CDK12: variants seen among roughly 807,000 people sequenced by gnomAD.
The protein encoded by CDK12 is cyclin-dependent kinase 12.
A neutral mutation model predicts 133.8 loss-of-function variants in CDK12; 17 were observed. The observed-to-expected ratio is 0.13, with a 90% CI of 0.09 to 0.19. The LOEUF (loss-of-function observed/expected upper bound fraction) is 0.19. CDK12 is among the 10% of genes least tolerant of loss of function. The probability of loss-of-function intolerance (pLI) is 1.00; values close to 1 mark genes in which losing one functional copy is unlikely to be tolerated. For missense variants in CDK12, 1,508 were observed against 1,818.7 expected, an observed-to-expected ratio of 0.83 and a Z score of 3.11; for synonymous variants, 694 against 683.6, an observed-to-expected ratio of 1.02 and a Z score of -0.24.
chr17:39,476,456 T>C (rs574900295), intron 2 of CDK12, among the ~76,000 whole-genome samples: 197 of 150,928 alleles, frequency 1.3e-3, no homozygotes, highest in African/African-American at 4.6e-3. Flanking sequence ...TTTTTGCCCT[T>C]GTTGTCCAGG....
At chr17:39,481,631 GCGCTCTCTCTCTCT>G (rs1567705906) in intron 2 of CDK12, among the ~76,000 whole-genome samples, 2 of 34,274 alleles carry the variant, frequency 5.8e-5, no homozygotes, top group Admixed American at 3.3e-4. Flanking sequence ...GCTCGCTCGC[GCGCTCTCTCTCTCT>G]CTCTCTCTCT....
rs147657554 is a variant in CDK12 at position 39,532,461 on chromosome 17, C to CA, written c.*1155dup. 1,836 of 203,444 alleles carry CA rather than the reference C, an allele frequency of 9.0e-3. No individual in the cohort carries two copies. The highest frequency in any genetic ancestry group is 0.039 in the South Asian group (193 of 4,982). 12.6% of individuals were successfully genotyped at this position (203,444 alleles called of 1,614,324 possible). ...ATTGTTTACACATATATTTTTATGT[C>CA]AAAAAAAAAACAAAAACCTTTCAAA... On this transcript the variant is annotated 3_prime_UTR_variant, in exon 14 of 14. Transcript: ENST00000447079.
intron 9 of CDK12, among the ~76,000 whole-genome samples, 166 bp from the exon 10 acceptor site, chr17:39,517,274 C>T (rs1297516785): frequency 6.6e-6 from 1 of 152,180 alleles, no homozygotes; most frequent in Non-Finnish European, 1.5e-5. Flanking sequence ...CTCTGCCTTT[C>T]TGCCCTTAAA....
At chr17:39,562,891 CT>C (rs1294534242) in intron 3 of CDK12, among the ~76,000 whole-genome samples, 1 of 44,414 alleles carries the variant, frequency 2.3e-5, no homozygotes, top group Non-Finnish European at 5.6e-5. Flanking sequence ...CTTTTTTTTT[CT>C]TTTTCTTTTC....
intron 6 of CDK12, among the ~76,000 whole-genome samples, chr17:39,508,845 A>G (rs1351989526): frequency 1.3e-5 from 2 of 151,920 alleles, no homozygotes; most frequent in African/African-American, 4.8e-5. Context: ...AAATAAAATA[A>G]TTAGCTGGAC....
chr17:39,513,936 G>C (rs922128243), intron 8 of CDK12, among the ~76,000 whole-genome samples: 1 of 152,176 alleles, frequency 6.6e-6, no homozygotes, highest in African/African-American at 2.4e-5. Context: ...TCAGGAGTCT[G>C]AAAACCTAGT....
chr17:39,520,574 A>G (rs759592752), intron 11 of CDK12, among the ~76,000 whole-genome samples: 1 of 151,896 alleles, frequency 6.6e-6, no homozygotes, highest in Non-Finnish European at 1.5e-5. Flanking sequence ...TATTTTTAGT[A>G]GAGACGGGGT....
intron 10 of CDK12, among the ~76,000 whole-genome samples, chr17:39,518,159 A>G (rs1417430997): frequency 6.6e-6 from 1 of 151,934 alleles, no homozygotes; most frequent in Non-Finnish European, 1.5e-5. Flanking sequence ...TTGTATTTTT[A>G]GTAGAGACAG....
chr17:39,498,212 TTTTTGTTTTGTTTTA>T lies in CDK12; in HGVS notation c.2420-3028_2420-3014del, dbSNP rs531679511. Reference sequence around the variant, plus strand: ...TTTTGCTATGTTGCCCAGCCTGGTCTTTTTGTTTTGTTTTATTTTGTTTTTTTTTTGAGACGGCGT... The same window carrying T: ...TTTTGCTATGTTGCCCAGCCTGGTCTTTTTGTTTTTTTTTTGAGACGGCGT... On this transcript the variant is annotated intron_variant, in intron 5 of 13. Transcript: ENST00000447079. Among the ~76,000 whole-genome samples the T allele has an allele frequency of 1.5e-3, 223 of 152,002 alleles. 1 individual carries two copies. Among genetic ancestry groups the T allele is most frequent in the African/African-American group, 5.3e-3 (218 of 41,478 alleles).
At chr17:39,535,564 A>T (rs1247612115), downstream of CDK12, among the ~76,000 whole-genome samples, 1 of 152,178 alleles carries the variant, frequency 6.6e-6, no homozygotes, top group Non-Finnish European at 1.5e-5. Context: ...TTCACTTCAT[A>T]GCAGTGAAAA....
chr17:39,462,856 A>C lies in CDK12; in HGVS notation c.785A>C (p.Tyr262Ser). The C allele has an allele frequency of 6.2e-7, 1 of 1,614,148 alleles. No homozygotes were observed. The highest frequency in any genetic ancestry group is 2.2e-5 in the East Asian group (1 of 44,876). ...RSHTSSNYDS[Y>S]KKSPGSTSRR... ...CATACCTCGAGCAATTATGACTCCT[A>C]CAAGAAAAGTCCTGGAAGTACCTCG... Residue 262 changes from tyrosine to serine, a missense_variant, in exon 1 of 14, where the codon TAC becomes TCC. This residue lies in a region of CDK12 where 460 missense variants were observed against 490.8 expected (regional missense o/e 0.94). Coordinates refer to ENST00000447079, the MANE Select transcript of CDK12 (RefSeq NM_016507.4).
chr17:39,510,929 T>A (rs2053462703), intron 7 of CDK12, among the ~76,000 whole-genome samples: 1 of 131,104 alleles, frequency 7.6e-6, no homozygotes, highest in Admixed American at 7.4e-5. Context: ...CTTTTTTTTT[T>A]AATAGGCCAG....
chr17:39,468,301 A>G (rs1419991759), intron 1 of CDK12, among the ~76,000 whole-genome samples: 3 of 152,126 alleles, frequency 2.0e-5, no homozygotes, highest in Non-Finnish European at 4.4e-5. Flanking sequence ...TTTCCCTTAC[A>G]CATATATGTT....
chr17:39,511,748 A>C lies in CDK12; in HGVS notation c.2768+118A>C, dbSNP rs1005395424. On this transcript the variant is annotated intron_variant, in intron 8 of 13. Transcript: ENST00000447079. ...CTTAAGTTCAGAAGGATGGCGATAA[A>C]CTTTTGGCCAGATTTCCGGGAAATC... 13 of 490,598 alleles carry C rather than the reference A, an allele frequency of 2.6e-5. 1 individual carries two copies. Among genetic ancestry groups the C allele is most frequent in the Non-Finnish European group, 4.2e-5 (12 of 283,886 alleles). The allele number at this position is 490,598 out of a possible 1,614,324, so 30.4% of individuals were successfully genotyped here. A position where few individuals can be genotyped will look rare whatever the true frequency, so the allele number is the denominator to read the frequency against.
rs767753760 is a variant in CDK12, at chr17:39,462,233, G to C, written c.162G>C (p.Gly54=). 1.2e-6 allele frequency: 2 copies of C among 1,614,220 alleles called. No homozygotes were observed. The highest frequency in any genetic ancestry group is 1.7e-6 in the Non-Finnish European group (2 of 1,180,042). ...RHKSKHSKDM[G]LVTPEAASLG... ...AGTCCAAACACTCCAAAGACATGGG[G>C]TTGGTGACCCCCGAAGCAGCATCCC... is the stretch of plus-strand genomic sequence containing the variant. The change falls in exon 1 of 14, where the codon GGG becomes GGC. Residue 54 remains glycine (G), a synonymous_variant. Transcript: ENST00000447079.
intron 2 of CDK12, 122 bp from the exon 3 acceptor site, chr17:39,490,435 G>GT (rs1435459980): frequency 1.6e-5 from 10 of 625,430 alleles, no homozygotes; most frequent in South Asian, 1.5e-4. Flanking sequence ...TATAGTACAG[G>GT]TTTTTTTCCT....
chr17:39,462,057 G>A lies in CDK12; in HGVS notation c.-15G>A. 6.2e-7 allele frequency: 1 copy of A among 1,607,894 alleles called. No individual in the cohort carries two copies. Among genetic ancestry groups the A allele is most frequent in the South Asian group, 1.1e-5 (1 of 90,888 alleles). ...TGGGGAACTTTTTTCCCTTCTTCAGGTCAGGGGAAAGGGAATGCCCAATTC... is the reference window on the plus strand; with the variant it reads ...TGGGGAACTTTTTTCCCTTCTTCAGATCAGGGGAAAGGGAATGCCCAATTC... On this transcript the variant is annotated 5_prime_UTR_variant, in exon 1 of 14. Transcript: ENST00000447079.
Position 39,533,464 on chromosome 17 carries a change from C to T in CDK12, c.*2148C>T, listed in dbSNP as rs1234418504. 1.7e-5 allele frequency: 4 copies of T among 232,940 alleles called. No individual in the cohort carries two copies. The highest frequency in any genetic ancestry group is 1.7e-4 in the Admixed American group (3 of 17,762). The allele number at this position is 232,940 out of a possible 1,614,324, so 14.4% of individuals were successfully genotyped here. A position where few individuals can be genotyped will look rare whatever the true frequency, so the allele number is the denominator to read the frequency against. On this transcript the variant is annotated 3_prime_UTR_variant, in exon 14 of 14. Coordinates refer to ENST00000447079, the MANE Select transcript of CDK12 (RefSeq NM_016507.4). Reference sequence around the variant, plus strand: ...CTGTTTTTTATTAAAGAACGTGAGCCTGGGATACTTTCAGAAGTATCTGTT... The same window carrying T: ...CTGTTTTTTATTAAAGAACGTGAGCTTGGGATACTTTCAGAAGTATCTGTT...
intron 1 of CDK12, among the ~76,000 whole-genome samples, chr17:39,465,280 TTGTAATCTATCTACC>T (rs2049220424): frequency 6.6e-6 from 1 of 151,670 alleles, no homozygotes; most frequent in Non-Finnish European, 1.5e-5. Flanking sequence ...GCCATGTATT[TTGTAATCTATCTACC>T]TGTCCATTAA....
Sources: allele counts gnomAD v4.1 joint callset (sites outside exome capture counted in the v4.1 genomes callset), GRCh38; gene constraint gnomAD v4.1.1; regional missense constraint gnomAD v4.1.1; transcripts MANE v1.5; gene names NCBI Gene and HGNC (gene_info 2026-07-23, HGNC 2026-07-21).